LRRC31: variants seen among roughly 807,000 people sequenced by gnomAD.
LRRC31 encodes the protein leucine rich repeat containing 31.
In LRRC31, 35 loss-of-function variants were observed where a neutral mutation model predicts 46.7. The ratio of observed to expected loss-of-function variants is 0.75; its 90% confidence interval spans 0.57 to 0.99. The LOEUF is 0.99. Among genes scored for constraint, LRRC31 ranks in the 50% least tolerant of loss-of-function variants. The pLI is 0.00. For missense variants in LRRC31, 613 were observed against 626.1 expected (o/e 0.98, Z 0.22); for synonymous variants, 236 against 235.1 (o/e 1.00, Z -0.03).
chr3:169,845,819 A>T (rs1780587763), intron 8 of LRRC31, among the ~76,000 whole-genome samples: 1 of 152,296 alleles, frequency 6.6e-6, no homozygotes, highest in African/African-American at 2.4e-5. Flanking sequence ...GCAACACAAA[A>T]AAACTCTATT....
intron 8 of LRRC31, 53 bp downstream of exon 8, chr3:169,848,067 C>A: frequency 3.2e-6 from 5 of 1,552,642 alleles, no homozygotes; most frequent in Non-Finnish European, 4.4e-6. Context: ...TTTGCAGGGG[C>A]CGCACCCACT....
intron 1 of LRRC31, among the ~76,000 whole-genome samples, chr3:169,862,292 G>C (rs190070951): frequency 6.6e-6 from 1 of 152,188 alleles, no homozygotes; most frequent in Non-Finnish European, 1.5e-5. Flanking sequence ...AATTCTTGCC[G>C]GTCAGTTTCT....
At chr3:169,843,133 A>T (rs1780501745) in intron 8 of LRRC31, among the ~76,000 whole-genome samples, 1 of 152,192 alleles carries the variant, frequency 6.6e-6, no homozygotes, top group Non-Finnish European at 1.5e-5. Flanking sequence ...AAGCAGAGAG[A>T]ATTTCCTCCT....
intron 6 of LRRC31, among the ~76,000 whole-genome samples, chr3:169,852,320 G>A (rs564014503): frequency 6.7e-6 from 1 of 149,018 alleles, no homozygotes; most frequent in East Asian, 2.0e-4. Context: ...GGAGAATGGC[G>A]TGAACCCGGG....
At position 169,859,316 on chromosome 3, in the gene LRRC31, G is replaced by A. The variant is rs543430488; in HGVS notation, c.487+1245C>T. On this transcript the variant is annotated intron_variant, in intron 3 of 8. Coordinates refer to ENST00000316428, the MANE Select transcript of LRRC31 (RefSeq NM_024727.4). ...GTCTCAAAAAAAAAAAGGCCGGGGG[G>A]GCGGGTAGGCACTAGGATTTGAAGT... is the stretch of plus-strand genomic sequence containing the variant. Among the ~76,000 whole-genome samples the A allele has an allele frequency of 7.2e-4, 108 of 149,610 alleles. 3 individuals are homozygous for A. The highest frequency in any genetic ancestry group is 3.9e-3 in the East Asian group (19 of 4,924).
chr3:169,865,690 G>A (rs1781309974), intron 1 of LRRC31, among the ~76,000 whole-genome samples: 1 of 152,210 alleles, frequency 6.6e-6, no homozygotes, highest in Non-Finnish European at 1.5e-5. Context: ...ACGCAGGGGT[G>A]TGTGGTTCCA....
At chr3:169,862,340 A>C (rs940964005) in intron 1 of LRRC31, among the ~76,000 whole-genome samples, 1 of 152,218 alleles carries the variant, frequency 6.6e-6, no homozygotes, top group African/African-American at 2.4e-5. Flanking sequence ...CAGAGAAACT[A>C]GGCCTGGGAG....
chr3:169,860,755 A>G, intron 2 of LRRC31, 27 bp from the exon 3 acceptor site: 2 of 1,604,640 alleles, frequency 1.2e-6, no homozygotes, highest in East Asian at 2.2e-5. Context: ...GAAAATACAG[A>G]TATGTGTATG....
Position 169,851,665 on chromosome 3 carries a change from T to G in LRRC31, c.1113A>C (p.Leu371Phe). The change falls in exon 7 of 9, where the codon TTA (leucine) becomes TTC (phenylalanine). Residue 371 changes from leucine to phenylalanine, a missense_variant. By Grantham distance (22) the Leu-to-Phe change is conservative. Coordinates refer to ENST00000316428, the MANE Select transcript of LRRC31 (RefSeq NM_024727.4). ...RLRFLPALKS[L>F]VINNCALESE... ...TCTCCAAAGCACAGTTGTTGATAAC[T>G]AATGACTTCAATGCTGGTAAAAATC... 1 of 1,614,208 alleles carries G rather than the reference T, an allele frequency of 6.2e-7. No individual in the cohort carries two copies. The highest frequency in any genetic ancestry group is 8.5e-7 in the Non-Finnish European group (1 of 1,180,032).
intron 3 of LRRC31, 27 bp from the exon 4 acceptor site, chr3:169,856,899 G>A (rs376347834): frequency 3.2e-6 from 5 of 1,585,678 alleles, no homozygotes; most frequent in Admixed American, 1.7e-5. Flanking sequence ...CGAAAATTCT[G>A]TTGGTCACTA....
chr3:169,840,719 G>A (rs1466438387), intron 8 of LRRC31, among the ~76,000 whole-genome samples: 2 of 152,078 alleles, frequency 1.3e-5, no homozygotes, highest in African/African-American at 2.4e-5. Context: ...TCTTCATCCA[G>A]CAATTATTTA....
At chr3:169,844,947 AAC>A (rs750980775) in intron 8 of LRRC31, among the ~76,000 whole-genome samples, 61 of 140,182 alleles carry the variant, frequency 4.4e-4, no homozygotes, top group South Asian at 1.4e-3. Context: ...AAAAAAAAAA[AAC>A]AAAACAAAAC....
chr3:169,860,336 T>A (rs1197322450), intron 3 of LRRC31, among the ~76,000 whole-genome samples: 2 of 151,372 alleles, frequency 1.3e-5, no homozygotes, highest in Non-Finnish European at 2.9e-5. Context: ...CAAGCGATCC[T>A]CCTGCCTCAG....
intron 8 of LRRC31, among the ~76,000 whole-genome samples, chr3:169,843,975 C>T (rs1040840846): frequency 6.6e-6 from 1 of 151,960 alleles, no homozygotes; most frequent in African/African-American, 2.4e-5. Flanking sequence ...TTTAAAATAT[C>T]CCACAAAGAA....
intron 8 of LRRC31, among the ~76,000 whole-genome samples, chr3:169,842,631 G>T (rs149339327): frequency 6.6e-6 from 1 of 152,082 alleles, no homozygotes; most frequent in African/African-American, 2.4e-5. Flanking sequence ...GATTACAGGC[G>T]TGAGCCACCA....
intron 3 of LRRC31, among the ~76,000 whole-genome samples, chr3:169,858,998 C>T (rs1460129503): frequency 1.2e-5 from 1 of 86,632 alleles, no homozygotes; most frequent in Non-Finnish European, 2.1e-5. Context: ...AAGAATGAAA[C>T]GCCATCTCAA....
intron 8 of LRRC31, among the ~76,000 whole-genome samples, chr3:169,843,241 G>A (rs1260733350): frequency 6.6e-6 from 1 of 152,218 alleles, no homozygotes; most frequent in Non-Finnish European, 1.5e-5. Flanking sequence ...GAGGGGCCAT[G>A]TATCAAGGAA....
At chr3:169,848,517 C>T (rs41273577) in intron 7 of LRRC31, among the ~76,000 whole-genome samples, 18,332 of 152,102 alleles carry the variant, frequency 0.12, 1,112 homozygotes, top group Admixed American at 0.15. Context: ...AGTGCAGTGG[C>T]GCGATCTTGG....
chr3:169,857,206 C>T (rs980508391), intron 3 of LRRC31, among the ~76,000 whole-genome samples: 1 of 150,950 alleles, frequency 6.6e-6, no homozygotes, highest in South Asian at 2.1e-4. Flanking sequence ...CTTAGCCCCT[C>T]TCTCTGGGAT....
Sources: gnomAD v4.1 joint callset for allele counts (sites outside exome capture counted in the v4.1 genomes callset) on GRCh38, gnomAD v4.1.1 for gene constraint, MANE v1.5 for transcripts, NCBI Gene and HGNC (gene_info 2026-07-23, HGNC 2026-07-21) for gene names.